GRK5: variants seen among roughly 807,000 people sequenced by gnomAD.
GRK5 encodes the protein G protein-coupled receptor kinase 5, also known as g protein-coupled receptor kinase GRK5.
A neutral mutation model predicts 78.4 loss-of-function variants in GRK5; 40 were observed. The observed-to-expected ratio is 0.51, with a 90% CI of 0.40 to 0.66. The LOEUF (loss-of-function observed/expected upper bound fraction) is 0.66, where lower values mean the gene tolerates loss of function less well. Among genes scored for constraint, GRK5 ranks in the 30% least tolerant of loss-of-function variants. The pLI, the probability that GRK5 is intolerant of heterozygous loss-of-function variation, is 0.00. For synonymous variants in GRK5, 289 were observed against 296.8 expected (o/e 0.97, Z 0.27); for missense variants, 598 against 759.9 (o/e 0.79, Z 2.50).
At chr10:119,410,802 G>A (rs2133869619) in intron 4 of GRK5, among the ~76,000 whole-genome samples, 1 of 151,544 alleles carries the variant, frequency 6.6e-6, no homozygotes, top group East Asian at 1.9e-4. Flanking sequence ...CCTCCCTATT[G>A]CCTGGCTAAA....
In GRK5 at chr10:119,345,402, GTTTCCCACAGGGGCT is replaced by G. The variant is rs549437303; in HGVS notation, c.148+18793_148+18807del. ...CCACTCATCTGTTACCTGGATCCCT[GTTTCCCACAGGGGCT>G]TCCTAGCCTCACCGGGTAGAAACTT... On this transcript the variant is annotated intron_variant, in intron 2 of 15. Coordinates refer to ENST00000392870, the MANE Select transcript of GRK5 (RefSeq NM_005308.3). 2.4e-4 allele frequency among the ~76,000 whole-genome samples: 36 copies of G among 152,302 alleles called. No individual in the cohort carries two copies. The East Asian group carries it at 6.9e-3, about 29-fold the overall frequency.
intron 1 of GRK5, among the ~76,000 whole-genome samples, chr10:119,288,570 A>T (rs1183123749): frequency 6.6e-6 from 1 of 152,162 alleles, no homozygotes; most frequent in Admixed American, 6.5e-5. Context: ...CCTGGAGTGG[A>T]CCACATCTCT....
intron 6 of GRK5, among the ~76,000 whole-genome samples, 183 bp downstream of exon 6, chr10:119,425,268 T>TACACACACACAC (rs112640010): frequency 0.12 from 15,732 of 126,518 alleles, 947 homozygotes; most frequent in Middle Eastern, 0.22. Flanking sequence ...CACACACACA[T>TACACACACACAC]ACACACACAC....
chr10:119,330,922 G>A (rs1850765539), intron 2 of GRK5, among the ~76,000 whole-genome samples: 1 of 152,218 alleles, frequency 6.6e-6, no homozygotes, highest in African/African-American at 2.4e-5. Context: ...TCAGGAGGCT[G>A]AGGCAGGAAA....
At chr10:119,282,750 G>T (rs1002883709) in intron 1 of GRK5, among the ~76,000 whole-genome samples, 2 of 152,260 alleles carry the variant, frequency 1.3e-5, no homozygotes, top group Admixed American at 6.5e-5. Context: ...GAGTTGTCAG[G>T]AGAGTCCAGG....
At chr10:119,348,558 T>C (rs1447071614) in intron 2 of GRK5, among the ~76,000 whole-genome samples, 1 of 152,194 alleles carries the variant, frequency 6.6e-6, no homozygotes, top group Admixed American at 6.5e-5. Context: ...GTTCTGGTGG[T>C]CCAGTGTGCT....
Position 119,457,608 on chromosome 10 carries a change from C to A in GRK5, c.*2541C>A, listed in dbSNP as rs147935333. 17 of 151,950 alleles carry A rather than the reference C, an allele frequency of 1.1e-4. No homozygotes were observed. The highest frequency in any genetic ancestry group is 3.9e-4 in the African/African-American group (16 of 41,438). The allele number at this position is 151,950 out of a possible 1,614,324, so 9.4% of individuals were successfully genotyped here. On this transcript the variant is annotated 3_prime_UTR_variant, in exon 16 of 16. Transcript: ENST00000392870. ...TTTAGAACAGCGCCTGGGAATCAGC[C>A]CTTCTCCCTACTGAGTCCCCAGTCC...
Position 119,207,673 on chromosome 10 carries a change from G to C in GRK5, c.-245G>C. 1 of 412,076 alleles carries C rather than the reference G, an allele frequency of 2.4e-6. No individual in the cohort carries two copies. Among genetic ancestry groups the C allele is most frequent in the Non-Finnish European group, 4.1e-6 (1 of 241,688 alleles). The allele number at this position is 412,076 out of a possible 1,614,324, so 25.5% of individuals were successfully genotyped here. On this transcript the variant is annotated 5_prime_UTR_variant, in exon 1 of 16. Transcript: ENST00000392870. ...GGGGGTGGGGGGGAGCGTGTTGAGG[G>C]AGGGGGGAGGGGGGACACAGAGGGA... is the stretch of plus-strand genomic sequence containing the variant.
At chr10:119,296,700 T>C (rs1484067158) in intron 1 of GRK5, among the ~76,000 whole-genome samples, 1 of 152,234 alleles carries the variant, frequency 6.6e-6, no homozygotes, top group African/African-American at 2.4e-5. Context: ...TGGCATATTA[T>C]GGAGTTTTTC....
intron 1 of GRK5, among the ~76,000 whole-genome samples, chr10:119,283,553 A>G (rs1267041880): frequency 6.6e-6 from 1 of 152,208 alleles, no homozygotes; most frequent in Non-Finnish European, 1.5e-5. Flanking sequence ...CGGGCTCTGT[A>G]TTCCCTGGCC....
At chr10:119,384,927 G>A (rs1216613820) in intron 3 of GRK5, among the ~76,000 whole-genome samples, 1 of 152,210 alleles carries the variant, frequency 6.6e-6, no homozygotes, top group African/African-American at 2.4e-5. Flanking sequence ...TTGGGAGTTT[G>A]GATATGGGGA....
chr10:119,343,368 T>C (rs1278352973), intron 2 of GRK5, among the ~76,000 whole-genome samples: 2 of 152,198 alleles, frequency 1.3e-5, no homozygotes, highest in African/African-American at 2.4e-5. Context: ...CACCAGGCTA[T>C]GTGCTTTGCA....
chr10:119,260,248 G>A (rs986415557), intron 1 of GRK5, among the ~76,000 whole-genome samples: 5 of 152,078 alleles, frequency 3.3e-5, no homozygotes, highest in Non-Finnish European at 7.4e-5. Context: ...TGATCCACCC[G>A]CCTCGGCCTC....
rs1449057951 is a variant in GRK5, at chr10:119,354,394, CCTT to C, written c.149-26420_149-26418del. ...AACTGCAACTTTGTGCCCTACATCT[CCTT>C]TTTTTTTTTTTTTTTTTTTTTTGAG... is the stretch of plus-strand genomic sequence containing the variant. On this transcript the variant is annotated intron_variant, in intron 2 of 15. Coordinates refer to ENST00000392870, the MANE Select transcript of GRK5 (RefSeq NM_005308.3). Among the ~76,000 whole-genome samples the C allele has an allele frequency of 9.7e-5, 12 of 123,148 alleles. No individual in the cohort carries two copies. The East Asian group carries it at 2.5e-3, about 26-fold the overall frequency. The allele number at this position is 123,148 out of a possible 152,430, so 80.8% of individuals were successfully genotyped here.
At chr10:119,287,945 C>T (rs750421372) in intron 1 of GRK5, among the ~76,000 whole-genome samples, 7 of 150,738 alleles carry the variant, frequency 4.6e-5, no homozygotes, top group South Asian at 4.2e-4. Flanking sequence ...GCTCATTCCC[C>T]GTCCTCCCTG....
At chr10:119,453,380 G>A in intron 15 of GRK5, 104 bp downstream of exon 15, 1 of 1,366,690 alleles carries the variant, frequency 7.3e-7, no homozygotes, top group Non-Finnish European at 1.0e-6. Flanking sequence ...GGAAGGCTTG[G>A]AAGTCTGGGG....
chr10:119,305,420 A>G (rs766747455), intron 1 of GRK5, among the ~76,000 whole-genome samples: 1 of 152,220 alleles, frequency 6.6e-6, no homozygotes, highest in African/African-American at 2.4e-5. Flanking sequence ...TGCCAGGCAC[A>G]TGTCCTAGGC....
At chr10:119,446,692 G>A (rs538936003) in intron 12 of GRK5, among the ~76,000 whole-genome samples, 278 of 152,314 alleles carry the variant, frequency 1.8e-3, no homozygotes, top group African/African-American at 6.4e-3. Context: ...CCGTGGGGGC[G>A]TTAAGGGGCA....
chr10:119,396,507 G>A (rs1006817574), intron 3 of GRK5, among the ~76,000 whole-genome samples, 188 bp from the exon 4 acceptor site: 1 of 152,188 alleles, frequency 6.6e-6, no homozygotes, highest in African/African-American at 2.4e-5. Context: ...TGTGAGAGAG[G>A]GCAAAGTAGT....
Sources: allele counts gnomAD v4.1 joint callset (sites outside exome capture counted in the v4.1 genomes callset), GRCh38; gene constraint gnomAD v4.1.1; transcripts MANE v1.5; gene names NCBI Gene and HGNC (gene_info 2026-07-23, HGNC 2026-07-21).